MAX: variants seen among roughly 807,000 people sequenced by gnomAD.
The protein encoded by MAX is MYC associated transcriptional regulator X.
Under a neutral mutation model 22.3 loss-of-function variants are expected in MAX, and 3 were observed. The ratio of observed to expected loss-of-function variants is 0.13; its 90% confidence interval spans 0.06 to 0.35. The LOEUF (loss-of-function observed/expected upper bound fraction) is 0.35, where lower values mean the gene tolerates loss of function less well. MAX is among the 10% of genes least tolerant of loss of function. The pLI is 1.00. For missense variants in MAX, 119 were observed against 209.4 expected (o/e 0.57, Z 2.66); for synonymous variants, 72 against 77.7 (o/e 0.93, Z 0.39).
In MAX at chr14:65,076,347, T is replaced by TA. The variant is rs1007255390; in HGVS notation, c.*128dup. ...GAGCTTCTACGTAAAAATAAAAATT[T>TA]AAAAAAAAAAGGGAGAAAGAGAAAA... On this transcript the variant is annotated 3_prime_UTR_variant, in exon 5 of 5. Coordinates refer to ENST00000358664, the MANE Select transcript of MAX (RefSeq NM_002382.5). The surrounding 1 kb of genome is among the most constrained non-coding windows in gnomAD (Gnocchi z 6.6). 437 of 1,364,776 alleles carry TA rather than the reference T, an allele frequency of 3.2e-4. No individual in the cohort carries two copies. The highest frequency in any genetic ancestry group is 5.4e-4 in the Middle Eastern group (2 of 3,688). The allele number at this position is 1,364,776 out of a possible 1,614,324, so 84.5% of individuals were successfully genotyped here.
chr14:65,012,225 AGT>A lies in MAX; in HGVS notation c.172-5943_172-5942del, dbSNP rs1363913668. 1 of 1,513,180 alleles carries A rather than the reference AGT, an allele frequency of 6.6e-7. No individual in the cohort carries two copies. Among genetic ancestry groups the A allele is most frequent in the African/African-American group, 1.4e-5 (1 of 72,742 alleles). The allele number at this position is 1,513,180 out of a possible 1,614,324, so 93.7% of individuals were successfully genotyped here. A position where few individuals can be genotyped will look rare whatever the true frequency, so the allele number is the denominator to read the frequency against. On this transcript the variant is annotated intron_variant, in intron 3 of 3. Coordinates refer to the MAX transcript ENST00000341653. The surrounding 1 kb of genome is among the most constrained non-coding windows in gnomAD (Gnocchi z 5.0). The stretch of plus-strand genomic sequence containing the variant: ...ATTGCAGGGGGACGTCCTGAAGCTG[AGT>A]GTTTACCCGTGTGTGTGTACGTGCA...
chr14:65,025,172 G>T (rs940216199), intron 3 of MAX, among the ~76,000 whole-genome samples: 1 of 152,154 alleles, frequency 6.6e-6, no homozygotes, highest in Non-Finnish European at 1.5e-5. Flanking sequence ...AGCTGAGGGA[G>T]GTTGGCATGG....
At chr14:65,102,133 A>C (rs2063864141) in intron 1 of MAX, among the ~76,000 whole-genome samples, 171 bp downstream of exon 1, 1 of 152,098 alleles carries the variant, frequency 6.6e-6, no homozygotes, top group African/African-American at 2.4e-5. Context: ...CGCTCCGGCC[A>C]GGAGCCGGAG....
rs61987401 is a variant in MAX at position 65,031,791 on chromosome 14, T to G, written c.172-25507A>C. ...GAAAAATAAGCCAGGCATGGTGGCA[T>G]GCGCCTGTAATCCCAGCTACTTGGG... On this transcript the variant is annotated intron_variant, in intron 3 of 3. Coordinates refer to the MAX transcript ENST00000341653. The surrounding 1 kb of genome is among the most constrained non-coding windows in gnomAD (Gnocchi z 4.6). Among the ~76,000 whole-genome samples the G allele has an allele frequency of 6.6e-6, 1 of 151,968 alleles. No individual in the cohort carries two copies. The highest frequency in any genetic ancestry group is 2.4e-5 in the African/African-American group (1 of 41,442).
chr14:65,011,826 G>T lies in MAX; in HGVS notation c.172-5542C>A, dbSNP rs1260567126. 6.6e-6 allele frequency among the ~76,000 whole-genome samples: 1 copy of T among 152,198 alleles called. No individual in the cohort carries two copies. The highest frequency in any genetic ancestry group is 6.5e-5 in the Admixed American group (1 of 15,274). ...GAATTTCAGGGAGAGAATAATAGTT[G>T]GATAACCGAGAGGCAGGCAGGGAGT... On this transcript the variant is annotated intron_variant, in intron 3 of 3. Transcript: ENST00000341653. This position sits in a 1 kb window ranked among gnomAD's most constrained non-coding sequence, Gnocchi z 4.0.
chr14:65,016,343 TAAA>T (rs2061773054), intron 3 of MAX, among the ~76,000 whole-genome samples: 1 of 152,182 alleles, frequency 6.6e-6, no homozygotes, highest in Non-Finnish European at 1.5e-5. Flanking sequence ...ATTTATATAT[TAAA>T]GAAGAAAAGA....
intron 3 of MAX, among the ~76,000 whole-genome samples, chr14:65,041,718 G>T (rs1012852930): frequency 6.6e-6 from 1 of 152,182 alleles, no homozygotes; most frequent in African/African-American, 2.4e-5. Context: ...TCCACCTTCA[G>T]AAAGCCTCCC....
intron 3 of MAX, chr14:65,061,259 C>G (rs150971983): frequency 6.2e-7 from 1 of 1,614,138 alleles, no homozygotes; most frequent in Non-Finnish European, 8.5e-7. Flanking sequence ...GAAGCCAGTC[C>G]CAGGTTTTGA....
At position 65,022,356 on chromosome 14, in the gene MAX, AGTCT is replaced by A. The variant is rs375343819; in HGVS notation, c.172-16076_172-16073del. Among the ~76,000 whole-genome samples, 104 of 151,854 alleles carry A rather than the reference AGTCT, an allele frequency of 6.8e-4. 1 individual carries two copies. The South Asian group carries it at 0.021, about 30-fold the overall frequency. Reference sequence around the variant, plus strand: ...TTTTTATAACTTATCCTAGGCCTTAAGTCTGTCTATGATAGCCTAGTCTAGTGCT... The same window carrying A: ...TTTTTATAACTTATCCTAGGCCTTAAGTCTATGATAGCCTAGTCTAGTGCT... On this transcript the variant is annotated intron_variant, in intron 3 of 3. Transcript: ENST00000341653.
At position 65,012,863 on chromosome 14, in the gene MAX, CAAA is replaced by C. The variant is rs1473223590; in HGVS notation, c.172-6582_172-6580del. ...ACTTTTCATATCTTCATTAAAGAGA[CAAA>C]AAACCCTTTCTTGTAATAAGATCTA... On this transcript the variant is annotated intron_variant, in intron 3 of 3. Coordinates refer to the MAX transcript ENST00000341653. This position sits in a 1 kb window ranked among gnomAD's most constrained non-coding sequence, Gnocchi z 5.0. Among the ~76,000 whole-genome samples, 1 of 152,166 alleles carries C rather than the reference CAAA, an allele frequency of 6.6e-6. No individual in the cohort carries two copies. Among genetic ancestry groups the C allele is most frequent in the Non-Finnish European group, 1.5e-5 (1 of 68,026 alleles).
At chr14:65,061,118 GGA>G in intron 3 of MAX, 1 of 1,593,410 alleles carries the variant, frequency 6.3e-7, no homozygotes, top group Non-Finnish European at 8.6e-7. Flanking sequence ...ATGGAGCAAA[GGA>G]TGTGTTATGT....
intron 3 of MAX, among the ~76,000 whole-genome samples, chr14:65,065,397 G>A (rs766046264): frequency 6.6e-6 from 1 of 152,096 alleles, no homozygotes; most frequent in Non-Finnish European, 1.5e-5. Flanking sequence ...ACTTAATGAC[G>A]AGGATACACC....
chr14:65,048,032 G>A (rs1345266493), intron 3 of MAX, among the ~76,000 whole-genome samples: 1 of 145,038 alleles, frequency 6.9e-6, no homozygotes, highest in Non-Finnish European at 1.5e-5. Flanking sequence ...CTGTTGCTGA[G>A]GCTGGAGTGC....
rs960944858 is a variant in MAX, at chr14:65,054,476, G to A, written c.171+39232C>T. 11 of 1,192,288 alleles carry A rather than the reference G, an allele frequency of 9.2e-6. No homozygotes were observed. The highest frequency in any genetic ancestry group is 1.9e-4 in the Middle Eastern group (1 of 5,210). The allele number at this position is 1,192,288 out of a possible 1,614,324, so 73.9% of individuals were successfully genotyped here. On this transcript the variant is annotated intron_variant, in intron 3 of 3. Transcript: ENST00000341653. The surrounding 1 kb of genome is among the most constrained non-coding windows in gnomAD (Gnocchi z 4.4). Reference sequence around the variant, plus strand: ...TCTAGCCACATGGAGGATGGGGGGGGACGTGTGATTGCACCAGTGGTCTCT... The same window carrying A: ...TCTAGCCACATGGAGGATGGGGGGGAACGTGTGATTGCACCAGTGGTCTCT...
chr14:65,046,063 GC>G (rs931323291), intron 3 of MAX, among the ~76,000 whole-genome samples: 3 of 152,044 alleles, frequency 2.0e-5, no homozygotes, highest in Non-Finnish European at 4.4e-5. Flanking sequence ...TGCAACCTCT[GC>G]CCCCTGGGTT....
chr14:65,037,403 C>CTTTTTTTTTTGTT (rs2062222048), intron 3 of MAX, among the ~76,000 whole-genome samples: 1 of 29,646 alleles, frequency 3.4e-5, no homozygotes, highest in Non-Finnish European at 7.3e-5. Flanking sequence ...ACGCCGGGCC[C>CTTTTTTTTTTGTT]TTTTTTTTTT....
At chr14:65,072,077 C>A (rs539847552), downstream of MAX, among the ~76,000 whole-genome samples, 14 of 152,312 alleles carry the variant, frequency 9.2e-5, no homozygotes, top group Non-Finnish European at 1.8e-4. Flanking sequence ...ACCTGGGTTT[C>A]CTCTTCAGGC....
chr14:65,101,708 C>T, intron 1 of MAX, 136 bp from the exon 2 acceptor site: 1 of 701,692 alleles, frequency 1.4e-6, no homozygotes, highest in Admixed American at 2.4e-5. Flanking sequence ...TTCCTCCCTC[C>T]CCACCCCTTG....
At chr14:65,051,775 T>G (rs747102006) in intron 3 of MAX, among the ~76,000 whole-genome samples, 5 of 151,968 alleles carry the variant, frequency 3.3e-5, no homozygotes, top group Non-Finnish European at 5.9e-5. Context: ...TACCATAAAC[T>G]TTTATAATTT....
Sources: allele counts gnomAD v4.1 joint callset (sites outside exome capture counted in the v4.1 genomes callset), GRCh38; gene constraint gnomAD v4.1.1; non-coding constraint Gnocchi (gnomAD v3.1); transcripts MANE v1.5; gene names NCBI Gene and HGNC (gene_info 2026-07-23, HGNC 2026-07-21).